Variants in NLGN4X observed in about 807,000 individuals in gnomAD.
NLGN4X encodes neuroligin-4, X-linked.
In NLGN4X, 3 loss-of-function variants were observed where a neutral mutation model predicts 40.3. That is an observed-to-expected ratio of 0.07 (90% CI 0.03 to 0.19). The LOEUF is 0.19. Among genes scored for constraint, NLGN4X ranks in the 10% least tolerant of loss-of-function variants. NLGN4X has a pLI of 1.00. For synonymous variants in NLGN4X, 270 were observed against 306.8 expected, an observed-to-expected ratio of 0.88 and a Z score of 1.25; for missense variants, 382 against 708.3, an observed-to-expected ratio of 0.54 and a Z score of 5.23.
intron 1 of NLGN4X, among the ~76,000 whole-genome samples, chrX:6,208,010 T>A (rs1924187652): frequency 8.9e-6 from 1 of 112,062 alleles, no homozygotes; most frequent in African/African-American, 3.2e-5. Context: ...CTTATTTTGT[T>A]GGATAATCTA....
chrX:6,018,572 A>T (rs952030888), intron 3 of NLGN4X, among the ~76,000 whole-genome samples: 1 of 111,615 alleles, frequency 9.0e-6, no homozygotes, highest in Non-Finnish European at 1.9e-5. Flanking sequence ...AGCTCCAAAG[A>T]TCGTCAGCCT....
Position 6,145,889 on chromosome X carries a change from G to A in NLGN4X, c.472+5106C>T, listed in dbSNP as rs138407417. Among the ~76,000 whole-genome samples the A allele has an allele frequency of 9.2e-3, 1,015 of 110,159 alleles. 8 individuals carry two copies. Among genetic ancestry groups the A allele is most frequent in the African/African-American group, 0.032 (973 of 30,243 alleles). On this transcript the variant is annotated intron_variant, in intron 2 of 5. Transcript: ENST00000381095. ...GGTAATGCCAGCATTTTGGGAGGCCGAGGTGGGAGGATCACTTGAACCCAA... is the reference window on the plus strand; with the variant it reads ...GGTAATGCCAGCATTTTGGGAGGCCAAGGTGGGAGGATCACTTGAACCCAA...
rs777219580 is a variant in NLGN4X at position 6,043,188 on chromosome X, G to T, written c.473-13756C>A. Among the ~76,000 whole-genome samples the T allele has an allele frequency of 9.4e-5, 10 of 105,915 alleles. No individual in the cohort carries two copies. The Admixed American group carries it at 1.0e-3, about 11-fold the overall frequency. The allele number at this position is 105,915 out of a possible 115,157, so 92.0% of individuals were successfully genotyped here. A position where few individuals can be genotyped will look rare whatever the true frequency, so the allele number is the denominator to read the frequency against. On this transcript the variant is annotated intron_variant, in intron 2 of 5. Transcript: ENST00000381095. ...ACACGTATATATATTAACCTCTACA[G>T]GTATATATATACCTGTCAGAAGTTA...
At chrX:5,942,234 C>T (rs886627888) in intron 3 of NLGN4X, among the ~76,000 whole-genome samples, 5 of 108,926 alleles carry the variant, frequency 4.6e-5, no homozygotes, top group Non-Finnish European at 7.6e-5. Flanking sequence ...CAAGACTGGG[C>T]GACAGAGTAA....
At chrX:5,978,272 T>TTTTC (rs780650966) in intron 3 of NLGN4X, among the ~76,000 whole-genome samples, 292 of 20,315 alleles carry the variant, frequency 0.014, 2 homozygotes, top group Middle Eastern at 0.024. Flanking sequence ...GCGTCTCTTT[T>TTTTC]TTTCTTTCTT....
intron 3 of NLGN4X, among the ~76,000 whole-genome samples, chrX:5,910,393 C>T (rs2032421644): frequency 9.0e-6 from 1 of 110,532 alleles, no homozygotes; most frequent in African/African-American, 3.3e-5. Flanking sequence ...TGATATTTGC[C>T]CCTTCTATAC....
chrX:6,138,650 A>C (rs2039876728), intron 2 of NLGN4X, among the ~76,000 whole-genome samples: 1 of 111,501 alleles, frequency 9.0e-6, no homozygotes, highest in Non-Finnish European at 1.9e-5. Context: ...GACTCGTAAA[A>C]TGGTGATTAA....
At chrX:6,193,651 G>A (rs1418715206) in intron 1 of NLGN4X, among the ~76,000 whole-genome samples, 1 of 111,388 alleles carries the variant, frequency 9.0e-6, no homozygotes, top group Non-Finnish European at 1.9e-5. Context: ...ATAAGTCAAG[G>A]AACTAGTCTA....
At chrX:6,180,388 C>G (rs1305911963) in intron 1 of NLGN4X, among the ~76,000 whole-genome samples, 1 of 110,328 alleles carries the variant, frequency 9.1e-6, no homozygotes, top group Non-Finnish European at 1.9e-5. Context: ...TAAAAGTGTG[C>G]AGCACCTTGC....
chrX:6,068,688 C>T (rs1230084823), intron 2 of NLGN4X, among the ~76,000 whole-genome samples: 4 of 111,971 alleles, frequency 3.6e-5, no homozygotes, highest in Non-Finnish European at 7.5e-5. Flanking sequence ...TTTGGGTCAG[C>T]AGATCTAGGT....
chrX:6,199,933 C>A (rs970039036), intron 1 of NLGN4X, among the ~76,000 whole-genome samples: 5 of 111,835 alleles, frequency 4.5e-5, no homozygotes, highest in African/African-American at 1.6e-4. Flanking sequence ...GAGAGAGGAA[C>A]TTTCCCCTAC....
chrX:6,001,083 C>T (rs2035959390), intron 3 of NLGN4X, among the ~76,000 whole-genome samples: 1 of 111,290 alleles, frequency 9.0e-6, no homozygotes, highest in African/African-American at 3.3e-5. Context: ...GGAAAAGCCC[C>T]TTACACAATC....
chrX:5,977,202 C>T (rs2035204235), intron 3 of NLGN4X, among the ~76,000 whole-genome samples: 1 of 111,645 alleles, frequency 9.0e-6, no homozygotes, highest in African/African-American at 3.3e-5. Context: ...AGTTCAAGAG[C>T]ATTTAGCTTA....
chrX:5,966,623 C>T (rs1187867693), intron 3 of NLGN4X, among the ~76,000 whole-genome samples: 2 of 112,587 alleles, frequency 1.8e-5, no homozygotes, highest in Non-Finnish European at 1.9e-5. Flanking sequence ...AATACAGACA[C>T]ATGTTATATG....
chrX:6,180,404 T>C (rs779779515), intron 1 of NLGN4X, among the ~76,000 whole-genome samples: 3 of 110,377 alleles, frequency 2.7e-5, no homozygotes, highest in African/African-American at 9.9e-5. Context: ...CTTGCCCCTC[T>C]CTCTCTCTTC....
intron 1 of NLGN4X, among the ~76,000 whole-genome samples, chrX:6,174,085 AAAC>A (rs1389814715): frequency 5.9e-4 from 65 of 111,090 alleles, no homozygotes; most frequent in African/African-American, 2.0e-3. Context: ...ACAAAACAAA[AAAC>A]AAAAAAAAAC....
intron 2 of NLGN4X, among the ~76,000 whole-genome samples, chrX:6,096,971 G>A (rs1191993236): frequency 9.1e-6 from 1 of 110,028 alleles, no homozygotes; most frequent in African/African-American, 3.3e-5. Context: ...GTGTGTGTGT[G>A]TGTGTTTTCT....
chrX:5,997,048 G>C (rs1181949268), intron 3 of NLGN4X, among the ~76,000 whole-genome samples: 2 of 110,910 alleles, frequency 1.8e-5, no homozygotes, highest in Non-Finnish European at 3.8e-5. Context: ...AATGCGGTCG[G>C]AAGTTAGTAG....
intron 3 of NLGN4X, among the ~76,000 whole-genome samples, chrX:5,961,097 G>C (rs1255624829): frequency 4.5e-5 from 5 of 110,652 alleles, no homozygotes; most frequent in Non-Finnish European, 9.4e-5. Context: ...GCGCGATCTC[G>C]GCTCACTGCA....
Sources: allele counts gnomAD v4.1 joint callset (sites outside exome capture counted in the v4.1 genomes callset), GRCh38; gene constraint gnomAD v4.1.1; transcripts MANE v1.5; gene names NCBI Gene and HGNC (gene_info 2026-07-23, HGNC 2026-07-21).